The following SNTG2 variants were observed in gnomAD, a reference collection of about 807,000 sequenced individuals.
The protein encoded by SNTG2 is syntrophin gamma 2.
SNTG2 carries 74 observed loss-of-function variants against 70.9 expected under a neutral mutation model. That is an observed-to-expected ratio of 1.04 (90% CI 0.86 to 1.27). SNTG2 has a LOEUF of 1.27. Ranked by LOEUF, SNTG2 falls within the 50% of genes most tolerant of loss-of-function variation. The probability of loss-of-function intolerance (pLI) is 0.00; values close to 1 mark genes in which losing one functional copy is unlikely to be tolerated. For missense variants in SNTG2, 717 were observed against 690.7 expected, an observed-to-expected ratio of 1.04 and a Z score of -0.43; for synonymous variants, 278 against 273.8, an observed-to-expected ratio of 1.02 and a Z score of -0.15.
At chr2:1,072,950 A>T (rs1663675055) in intron 1 of SNTG2, among the ~76,000 whole-genome samples, 1 of 152,212 alleles carries the variant, frequency 6.6e-6, no homozygotes. Flanking sequence ...ATAGCAAGAA[A>T]ACTAGAATTA....
intron 9 of SNTG2, among the ~76,000 whole-genome samples, chr2:1,210,941 G>A (rs762379188): frequency 3.9e-5 from 6 of 152,204 alleles, no homozygotes; most frequent in Non-Finnish European, 8.8e-5. Flanking sequence ...TGCACCCTAC[G>A]ATGTAAACAC....
At chr2:1,235,511 G>A (rs1285992782) in intron 9 of SNTG2, among the ~76,000 whole-genome samples, 3 of 62,534 alleles carry the variant, frequency 4.8e-5, no homozygotes, top group African/African-American at 8.2e-5. Context: ...TCATGAGAGG[G>A]GGGCCCCTGC....
Position 1,027,593 on chromosome 2 carries a change from G to A in SNTG2, c.73-55925G>A, listed in dbSNP as rs180720747. Among the ~76,000 whole-genome samples the A allele has an allele frequency of 5.9e-3, 888 of 149,328 alleles. 19 individuals carry two copies. Among genetic ancestry groups the A allele is most frequent in the African/African-American group, 0.021 (832 of 40,340 alleles). ...TAAGCAGGTGCATCACTGAAGGTGC[G>A]TCTGGCCCACAGACACTACCCAGCA... is the stretch of plus-strand genomic sequence containing the variant. On this transcript the variant is annotated intron_variant, in intron 1 of 16. Coordinates refer to ENST00000308624, the MANE Select transcript of SNTG2 (RefSeq NM_018968.4).
intron 1 of SNTG2, among the ~76,000 whole-genome samples, chr2:1,006,188 C>T (rs1169060613): frequency 6.7e-6 from 1 of 148,878 alleles, no homozygotes; most frequent in African/African-American, 2.5e-5. Flanking sequence ...GGAGGGATAG[C>T]ATTGGGAGAT....
At chr2:1,147,371 A>G (rs1669168594) in intron 6 of SNTG2, among the ~76,000 whole-genome samples, 1 of 152,232 alleles carries the variant, frequency 6.6e-6, no homozygotes. Flanking sequence ...GGTGAGCACC[A>G]TCTCATCAGC....
intron 6 of SNTG2, among the ~76,000 whole-genome samples, chr2:1,151,955 A>G (rs1354977884): frequency 6.6e-6 from 1 of 151,584 alleles, no homozygotes; most frequent in Non-Finnish European, 1.5e-5. Flanking sequence ...ACTATAATAT[A>G]CTCAATTTAC....
intron 1 of SNTG2, among the ~76,000 whole-genome samples, chr2:983,431 T>A (rs1455892939): frequency 6.7e-6 from 1 of 150,276 alleles, no homozygotes; most frequent in Non-Finnish European, 1.5e-5. Context: ...CTGCCCCATC[T>A]ATCATCACGC....
chr2:1,251,214 T>C, intron 12 of SNTG2, among the ~76,000 whole-genome samples: 1 of 152,258 alleles, frequency 6.6e-6, no homozygotes, highest in East Asian at 1.9e-4. Context: ...CTCTAAAGTG[T>C]ACGCATCCAT....
chr2:1,189,580 A>G (rs1672453152), intron 8 of SNTG2, among the ~76,000 whole-genome samples: 1 of 149,784 alleles, frequency 6.7e-6, no homozygotes, highest in Middle Eastern at 3.4e-3. Context: ...TTTTTTTGAG[A>G]TGGAGTCTCG....
intron 1 of SNTG2, among the ~76,000 whole-genome samples, chr2:987,938 G>C (rs561580628): frequency 1.3e-5 from 2 of 152,170 alleles, no homozygotes; most frequent in South Asian, 2.1e-4. Context: ...CTGCGCCCAG[G>C]ATGACACCCC....
intron 8 of SNTG2, among the ~76,000 whole-genome samples, chr2:1,192,691 C>T (rs1033294797): frequency 1.3e-5 from 2 of 152,036 alleles, no homozygotes; most frequent in African/African-American, 4.8e-5. Context: ...TGTGTTGCTC[C>T]AAGGGAAAAC....
chr2:1,248,014 G>C (rs1677537014), intron 12 of SNTG2, among the ~76,000 whole-genome samples: 1 of 152,104 alleles, frequency 6.6e-6, no homozygotes, highest in African/African-American at 2.4e-5. Flanking sequence ...AATTTAAACA[G>C]CTTTACTTTT....
At chr2:1,143,205 TGATA>T (rs34274276) in intron 6 of SNTG2, among the ~76,000 whole-genome samples, 56,601 of 151,744 alleles carry the variant, frequency 0.37, 11,378 homozygotes, top group East Asian at 0.83. Flanking sequence ...ACTCACTGCC[TGATA>T]GATAGAATTA....
intron 9 of SNTG2, among the ~76,000 whole-genome samples, chr2:1,235,252 T>G (rs59805374): frequency 1.1e-5 from 1 of 89,912 alleles, no homozygotes; most frequent in Admixed American, 1.1e-4. Context: ...CCCTACCCCA[T>G]GCTGCCCTGA....
chr2:964,997 T>TTTTCCTCCTTGGTCCCC (rs1491047928), intron 1 of SNTG2, among the ~76,000 whole-genome samples: 1 of 10,388 alleles, frequency 9.6e-5, no homozygotes, highest in Non-Finnish European at 2.1e-4. Flanking sequence ...TTGGCCACCT[T>TTTTCCTCCTTGGTCCCC]TGCTTTTCCT....
intron 4 of SNTG2, among the ~76,000 whole-genome samples, chr2:1,135,880 T>C (rs1193871584): frequency 6.6e-6 from 1 of 152,192 alleles, no homozygotes; most frequent in Non-Finnish European, 1.5e-5. Flanking sequence ...GACCATGGGG[T>C]AAAATACTTT....
In SNTG2 at chr2:1,054,923, G is replaced by A. The variant is rs146623117; in HGVS notation, c.73-28595G>A. On this transcript the variant is annotated intron_variant, in intron 1 of 16. Coordinates refer to ENST00000308624, the MANE Select transcript of SNTG2 (RefSeq NM_018968.4). ...TAGAAGTTAAAAATATTGCCAGGGT[G>A]ATGGCTTTTTTTGTTTTGTTTTTGT... 4.2e-3 allele frequency among the ~76,000 whole-genome samples: 598 copies of A among 143,642 alleles called. 4 individuals carry two copies. The highest frequency in any genetic ancestry group is 0.015 in the African/African-American group (569 of 38,630). 94.2% of individuals were successfully genotyped at this position (143,642 alleles called of 152,430 possible). A position where few individuals can be genotyped will look rare whatever the true frequency, so the allele number is the denominator to read the frequency against.
At chr2:1,193,119 A>G (rs1672701041) in intron 8 of SNTG2, among the ~76,000 whole-genome samples, 1 of 152,322 alleles carries the variant, frequency 6.6e-6, no homozygotes, top group South Asian at 2.1e-4. Context: ...CATAGTCTGC[A>G]GCAGGCCCCC....
At chr2:1,300,026 C>T (rs190025259) in intron 14 of SNTG2, among the ~76,000 whole-genome samples, 236 of 137,986 alleles carry the variant, frequency 1.7e-3, no homozygotes, top group African/African-American at 5.5e-3. Flanking sequence ...GTGCCTCAAA[C>T]GAGGGCACTG....
Sources: allele counts gnomAD v4.1 joint callset (sites outside exome capture counted in the v4.1 genomes callset), GRCh38; gene constraint gnomAD v4.1.1; transcripts MANE v1.5; gene names NCBI Gene and HGNC (gene_info 2026-07-23, HGNC 2026-07-21).